ESRRG: variants seen among roughly 807,000 people sequenced by gnomAD.
ESRRG encodes the protein estrogen related receptor gamma.
Under a neutral mutation model 44.0 loss-of-function variants are expected in ESRRG, and 13 were observed. That is an observed-to-expected ratio of 0.30 (90% CI 0.19 to 0.47). ESRRG has a LOEUF of 0.47. ESRRG is among the 20% of genes least tolerant of loss of function. The pLI is 1.00. For synonymous variants in ESRRG, 215 were observed against 214.6 expected (o/e 1.00, Z -0.02); for missense variants, 395 against 580.6 (o/e 0.68, Z 3.29).
intron 1 of ESRRG, among the ~76,000 whole-genome samples, chr1:216,954,709 G>A (rs1252852662): frequency 6.6e-6 from 1 of 152,070 alleles, no homozygotes; most frequent in Admixed American, 6.6e-5. Flanking sequence ...CACATATAAA[G>A]CAGTATGGTT....
chr1:216,653,350 G>A (rs2069498565), intron 2 of ESRRG, among the ~76,000 whole-genome samples: 1 of 152,040 alleles, frequency 6.6e-6, no homozygotes, highest in African/African-American at 2.4e-5. Context: ...CCTTTCCCTA[G>A]GACTGCTTTG....
At chr1:216,630,122 T>C (rs746900382) in intron 3 of ESRRG, among the ~76,000 whole-genome samples, 2 of 152,152 alleles carry the variant, frequency 1.3e-5, no homozygotes, top group Non-Finnish European at 2.9e-5. Flanking sequence ...GCTTTCCTTA[T>C]CACGAAGTCA....
chr1:216,626,224 TTC>T (rs2063163098), intron 3 of ESRRG, among the ~76,000 whole-genome samples: 1 of 152,220 alleles, frequency 6.6e-6, no homozygotes, highest in African/African-American at 2.4e-5. Context: ...ATTCTTGAGT[TTC>T]TGCAATACCA....
chr1:216,968,423 T>C (rs12407025), intron 1 of ESRRG, among the ~76,000 whole-genome samples: 6,873 of 152,258 alleles, frequency 0.045, 365 homozygotes, highest in African/African-American at 0.11. Context: ...GTAAGATCTA[T>C]GTCTAGATTC....
intron 1 of ESRRG, among the ~76,000 whole-genome samples, chr1:216,985,253 C>T (rs2074670629): frequency 6.6e-6 from 1 of 152,142 alleles, no homozygotes; most frequent in African/African-American, 2.4e-5. Flanking sequence ...CAGTTTTTCC[C>T]AACACCACAG....
At chr1:217,066,109 G>A (rs375175816) in intron 1 of ESRRG, among the ~76,000 whole-genome samples, 2 of 152,156 alleles carry the variant, frequency 1.3e-5, no homozygotes, top group Non-Finnish European at 2.9e-5. Flanking sequence ...CGTGGCTATC[G>A]CTACTGTTGT....
At chr1:217,038,252 C>A (rs1348429920) in intron 1 of ESRRG, among the ~76,000 whole-genome samples, 1 of 152,198 alleles carries the variant, frequency 6.6e-6, no homozygotes, top group African/African-American at 2.4e-5. Flanking sequence ...AGGGCCCTGC[C>A]CCTGCAGCAA....
intron 2 of ESRRG, among the ~76,000 whole-genome samples, chr1:216,732,633 A>T (rs1387984023): frequency 6.6e-6 from 1 of 151,728 alleles, no homozygotes; most frequent in African/African-American, 2.4e-5. Context: ...CTACTAGTGA[A>T]AATGTACAAT....
intron 2 of ESRRG, among the ~76,000 whole-genome samples, chr1:216,933,562 G>A (rs1247504168): frequency 1.3e-5 from 2 of 152,202 alleles, no homozygotes; most frequent in Non-Finnish European, 2.9e-5. Flanking sequence ...GAGATGCAGA[G>A]AAGTGCAGTA....
chr1:217,086,886 T>C (rs1416124866), intron 1 of ESRRG, among the ~76,000 whole-genome samples: 1 of 151,956 alleles, frequency 6.6e-6, no homozygotes, highest in Non-Finnish European at 1.5e-5. Context: ...GGATATGATT[T>C]GTTTTGCATC....
rs537348616 is a variant in ESRRG at position 216,908,009 on chromosome 1, A to G, written c.-14+31573T>C. On this transcript the variant is annotated intron_variant, in intron 2 of 7. Transcript: ENST00000359162. ...AAAATCTTAAGAAGAATAATAAATT[A>G]TAAGCACTGCTTATTAAAAGGCTCA... Among the ~76,000 whole-genome samples, 16 of 152,322 alleles carry G rather than the reference A, an allele frequency of 1.1e-4. No homozygotes were observed. The East Asian group carries it at 2.5e-3, about 24-fold the overall frequency.
intron 1 of ESRRG, chr1:216,714,519 A>C: frequency 1.1e-6 from 1 of 905,488 alleles, no homozygotes; most frequent in Non-Finnish European, 1.3e-6. Flanking sequence ...AACTTACCCC[A>C]GAAACTGAAG....
intron 3 of ESRRG, among the ~76,000 whole-genome samples, chr1:216,631,334 G>T (rs981668308): frequency 6.6e-6 from 1 of 152,186 alleles, no homozygotes; most frequent in African/African-American, 2.4e-5. Flanking sequence ...CAAGGAGAAA[G>T]CTCATCCTTC....
intron 1 of ESRRG, among the ~76,000 whole-genome samples, chr1:217,098,000 C>A (rs1176570744): frequency 6.6e-6 from 1 of 152,150 alleles, no homozygotes; most frequent in South Asian, 2.1e-4. Context: ...GGGAACCAGG[C>A]AATAGTATTG....
intron 2 of ESRRG, among the ~76,000 whole-genome samples, chr1:216,807,865 T>C (rs556098361): frequency 6.6e-6 from 1 of 152,250 alleles, no homozygotes; most frequent in Non-Finnish European, 1.5e-5. Flanking sequence ...GTGCCAAGTA[T>C]AGTACTAGTC....
At chr1:216,717,448 A>T (rs2085144395) in intron 1 of ESRRG, among the ~76,000 whole-genome samples, 1 of 151,892 alleles carries the variant, frequency 6.6e-6, no homozygotes, top group South Asian at 2.1e-4. Flanking sequence ...AAAGGCTGTC[A>T]TTTCCCACCC....
intron 1 of ESRRG, among the ~76,000 whole-genome samples, chr1:217,036,798 G>T (rs1044677839): frequency 6.0e-5 from 9 of 150,206 alleles, no homozygotes; most frequent in African/African-American, 2.2e-4. Context: ...ACTTGTACTT[G>T]TACCCCTGAA....
At chr1:216,780,510 C>T (rs74439965) in intron 2 of ESRRG, among the ~76,000 whole-genome samples, 1,714 of 152,078 alleles carry the variant, frequency 0.011, 38 homozygotes, top group African/African-American at 0.039. Flanking sequence ...TGAACCCTTA[C>T]GAAATCAGAT....
At chr1:216,879,152 T>C (rs570684903) in intron 2 of ESRRG, among the ~76,000 whole-genome samples, 11 of 152,310 alleles carry the variant, frequency 7.2e-5, no homozygotes, top group African/African-American at 2.6e-4. Flanking sequence ...AGCCCATTTA[T>C]GTAATTCTTT....
Sources: allele counts gnomAD v4.1 joint callset (sites outside exome capture counted in the v4.1 genomes callset), GRCh38; gene constraint gnomAD v4.1.1; transcripts MANE v1.5; gene names NCBI Gene and HGNC (gene_info 2026-07-23, HGNC 2026-07-21).